Variants in AJM1 observed in about 807,000 individuals in gnomAD.
The protein encoded by AJM1 is apical junction component 1 homolog, also known as uncharacterized protein C9orf172.
Under a neutral mutation model 43.0 loss-of-function variants are expected in AJM1, and 22 were observed. That is an observed-to-expected ratio of 0.51 (90% confidence interval 0.37 to 0.73). AJM1 has a LOEUF of 0.73. AJM1 is among the 30% of genes least tolerant of loss of function. The pLI is 0.00. For synonymous variants in AJM1, 719 were observed against 638.3 expected (o/e 1.13, Z -1.91); for missense variants, 1,305 against 1,343.3 (o/e 0.97, Z 0.45).
Position 136,844,760 on chromosome 9 carries a change from C to G in AJM1, c.346C>G (p.Arg116Gly), listed in dbSNP as rs1848743707. ...APASPPVLPR[R>G]GREAQRAARA... ...CGCCTCGCCGCCGGTGTTGCCCCGC[C>G]GAGGGCGGGAGGCCCAGCGTGCGGC... The change falls in exon 3 of 3, where the codon CGA becomes GGA. Residue 116 changes from arginine (R) to glycine (G), a missense_variant. Physicochemically the swap from Arg to Gly is moderately radical, Grantham distance 125 (BLOSUM62 -2). Around this residue, in one of 6 missense-constraint regions of AJM1, gnomAD observed 653 missense variants for 549.1 expected, o/e 1.19. Transcript: ENST00000436881. The G allele has an allele frequency of 2.3e-6, 1 of 433,036 alleles. No homozygotes were observed. The highest frequency in any genetic ancestry group is 3.1e-6 in the Non-Finnish European group (1 of 320,436). 26.8% of individuals were successfully genotyped at this position (433,036 alleles called of 1,614,324 possible). A position where few individuals can be genotyped will look rare whatever the true frequency, so the allele number is the denominator to read the frequency against.
At chr9:136,843,052 C>G (rs1424091430) in intron 1 of AJM1, among the ~76,000 whole-genome samples, 3 of 150,034 alleles carry the variant, frequency 2.0e-5, no homozygotes, top group Admixed American at 6.6e-5. Context: ...AGGCCTGGGA[C>G]TCGTGGCCCT....
chr9:136,846,665 G>T lies in AJM1; in HGVS notation c.2251G>T (p.Val751Leu). The T allele has an allele frequency of 6.2e-7, 1 of 1,600,882 alleles. No individual in the cohort carries two copies. ...CGGCTTCCTGTCGCGCGGCCGCGGC[G>T]TGCTCTTCCTGGGCTTCCCAAGTCC... ...RVGFLSRGRG[V>L]LFLGFPSPGS... is the part of the protein sequence containing the mutation. The change falls in exon 3 of 3, where the codon GTG becomes TTG. Residue 751 changes from valine (V) to leucine (L), a missense_variant. By Grantham distance (32) the Val-to-Leu change is conservative. This residue lies in a region of AJM1 where 391 missense variants were observed against 507.5 expected (regional missense o/e 0.77). Coordinates refer to ENST00000436881, the MANE Select transcript of AJM1 (RefSeq NM_001080482.5).
rs756354535 is a variant in AJM1, at chr9:136,846,367, G to T, written c.1953G>T (p.Ala651=). 6.9e-7 allele frequency: 1 copy of T among 1,440,496 alleles called. No homozygotes were observed. The allele number at this position is 1,440,496 out of a possible 1,614,324, so 89.2% of individuals were successfully genotyped here. A position where few individuals can be genotyped will look rare whatever the true frequency, so the allele number is the denominator to read the frequency against. Residue 651 remains alanine, a synonymous_variant, in exon 3 of 3, where the codon GCG becomes GCT. Transcript: ENST00000436881. ...EPAAPGEAAD[A]SPEPSADEDD... ...CGGCCCCGGGAGAGGCGGCCGACGC[G>T]TCCCCCGAACCCAGCGCCGACGAGG...
At position 136,845,806 on chromosome 9, in the gene AJM1, C is replaced by T. The variant is rs544474087; in HGVS notation, c.1392C>T (p.Gly464=). The T allele has an allele frequency of 6.4e-6, 10 of 1,568,656 alleles. No homozygotes were observed. In the South Asian group the frequency reaches 1.0e-4, roughly 16 times the overall value. The change falls in exon 3 of 3, where the codon GGC becomes GGT. Residue 464 remains glycine, a synonymous_variant. Transcript: ENST00000436881. ...GGCCGCGCCGAGAAGACCCGTTGGGCCGCGGCCGCAGCTACGAGAACCTGC... is the reference window on the plus strand; with the variant it reads ...GGCCGCGCCGAGAAGACCCGTTGGGTCGCGGCCGCAGCTACGAGAACCTGC... ...APGPRREDPL[G]RGRSYENLLG... is the part of the protein sequence containing the mutation.
In AJM1 at chr9:136,844,588, G is replaced by C. The variant is rs904080549; in HGVS notation, c.174G>C (p.Ala58=). ...RHCRSFDFLE[A]LDGPAMETLP... ...GCCGCAGCTTCGACTTCCTGGAGGCGCTGGACGGGCCGGCCATGGAGACCC... is the reference window on the plus strand; with the variant it reads ...GCCGCAGCTTCGACTTCCTGGAGGCCCTGGACGGGCCGGCCATGGAGACCC... Residue 58 remains alanine (A), a synonymous_variant, in exon 3 of 3, where the codon GCG becomes GCC. Transcript: ENST00000436881. 4 of 1,588,850 alleles carry C rather than the reference G, an allele frequency of 2.5e-6. No individual in the cohort carries two copies. The African/African-American group carries it at 5.4e-5, about 21-fold the overall frequency.
In AJM1 at chr9:136,845,795, G is replaced by C. The variant is rs746713977; in HGVS notation, c.1381G>C (p.Asp461His). 2 of 1,571,272 alleles carry C rather than the reference G, an allele frequency of 1.3e-6. No homozygotes were observed. Among genetic ancestry groups the C allele is most frequent in the South Asian group, 2.3e-5 (2 of 86,916 alleles). Reference protein sequence around the residue: ...NILAPGPRREDPLGRGRSYEN... With the variant: ...NILAPGPRREHPLGRGRSYEN... ...TCTGGCCCCGGGGCCGCGCCGAGAA[G>C]ACCCGTTGGGCCGCGGCCGCAGCTA... The change falls in exon 3 of 3, where the codon GAC (aspartate) becomes CAC (histidine). Residue 461 changes from aspartate (D) to histidine (H), a missense_variant. Transcript: ENST00000436881.
chr9:136,846,589 T>C lies in AJM1; in HGVS notation c.2175T>C (p.Phe725=). Residue 725 remains phenylalanine, a synonymous_variant, in exon 3 of 3, where the codon TTT becomes TTC. Transcript: ENST00000436881. ...VGSVCRHVLQ[F]CRDSGPVHRA... is the part of the protein sequence containing the mutation. Reference sequence around the variant, plus strand: ...GCGTGTGCCGCCACGTACTGCAGTTTTGCCGCGACAGCGGCCCGGTGCACC... The same window carrying C: ...GCGTGTGCCGCCACGTACTGCAGTTCTGCCGCGACAGCGGCCCGGTGCACC... 1 of 1,591,524 alleles carries C rather than the reference T, an allele frequency of 6.3e-7. No homozygotes were observed. The highest frequency in any genetic ancestry group is 8.5e-7 in the Non-Finnish European group (1 of 1,175,232).
chr9:136,847,392 C>T lies in AJM1; in HGVS notation c.*47C>T. On this transcript the variant is annotated 3_prime_UTR_variant, in exon 3 of 3. Transcript: ENST00000436881. Reference sequence around the variant, plus strand: ...AGCCCAGGCGCTGGCCCGAACCCTGCCCTGCCCACTCAGGCCCCGCCCGGC... The same window carrying T: ...AGCCCAGGCGCTGGCCCGAACCCTGTCCTGCCCACTCAGGCCCCGCCCGGC... 2 of 1,380,270 alleles carry T rather than the reference C, an allele frequency of 1.4e-6. No homozygotes were observed. Among genetic ancestry groups the T allele is most frequent in the South Asian group, 1.5e-5 (1 of 65,744 alleles). The allele number at this position is 1,380,270 out of a possible 1,614,324, so 85.5% of individuals were successfully genotyped here.
chr9:136,845,401 A>T lies in AJM1; in HGVS notation c.987A>T (p.Gly329=). The change falls in exon 3 of 3, where the codon GGA becomes GGT. Residue 329 remains glycine, a synonymous_variant. Coordinates refer to ENST00000436881, the MANE Select transcript of AJM1 (RefSeq NM_001080482.5). ...GGCGCATGGGCGGCTACTACGCAGG[A>T]GAGGTGCGCACCTTCCCAATCCAGG... is the stretch of plus-strand genomic sequence containing the variant. ...SPRRMGGYYA[G]EVRTFPIQEP... 6.2e-7 allele frequency: 1 copy of T among 1,612,368 alleles called. No individual in the cohort carries two copies. Among genetic ancestry groups the T allele is most frequent in the Non-Finnish European group, 8.5e-7 (1 of 1,179,792 alleles).
In AJM1 at chr9:136,847,313, G is replaced by C. The variant is rs756023156; in HGVS notation, c.2899G>C (p.Ala967Pro). 1 of 1,536,734 alleles carries C rather than the reference G, an allele frequency of 6.5e-7. No individual in the cohort carries two copies. Among genetic ancestry groups the C allele is most frequent in the African/African-American group, 1.4e-5 (1 of 71,788 alleles). The change falls in exon 3 of 3, where the codon GCC becomes CCC. Residue 967 changes from alanine to proline, a missense_variant. By Grantham distance (27) the Ala-to-Pro change is conservative (BLOSUM62 -1). This residue lies in a region of AJM1 where 116 missense variants were observed against 113.4 expected (regional missense o/e 1.02). Transcript: ENST00000436881. ...CGAGCCGCGCGCGCTCGACTGGGTG[G>C]CCAGCGCCAACCTGCTGGACGACAT... ...ASEPRALDWV[A>P]SANLLDDIM is the part of the protein sequence containing the mutation.
chr9:136,845,501 G>C lies in AJM1; in HGVS notation c.1087G>C (p.Glu363Gln). 6.2e-7 allele frequency: 1 copy of C among 1,602,262 alleles called. No individual in the cohort carries two copies. Among genetic ancestry groups the C allele is most frequent in the Non-Finnish European group, 8.5e-7 (1 of 1,175,424 alleles). Residue 363 changes from glutamate (E) to glutamine (Q), a missense_variant, in exon 3 of 3, where the codon GAG (glutamate) becomes CAG (glutamine). By Grantham distance (29) the Glu-to-Gln change is conservative. Around this residue, in one of 6 missense-constraint regions of AJM1, gnomAD observed 653 missense variants for 549.1 expected, o/e 1.19. Coordinates refer to ENST00000436881, the MANE Select transcript of AJM1 (RefSeq NM_001080482.5). Reference sequence around the variant, plus strand: ...GCCCTACGGGCCCCGCTATGTCCCCGAGGAGCCCCGGGCCCACTCCACCGC... The same window carrying C: ...GCCCTACGGGCCCCGCTATGTCCCCCAGGAGCCCCGGGCCCACTCCACCGC... ...GLPYGPRYVPEEPRAHSTARP... is the reference protein window; with the variant it reads ...GLPYGPRYVPQEPRAHSTARP...
Position 136,846,883 on chromosome 9 carries a change from C to A in AJM1, c.2469C>A (p.Gly823=), listed in dbSNP as rs1386344383. ...LLSVSVAVGP[G]TAPPGTPALP... The stretch of plus-strand genomic sequence containing the variant: ...GCGTGTCCGTGGCCGTGGGACCCGG[C>A]ACCGCGCCACCGGGGACACCGGCCC... The change falls in exon 3 of 3, where the codon GGC becomes GGA. Residue 823 remains glycine, a synonymous_variant. Coordinates refer to ENST00000436881, the MANE Select transcript of AJM1 (RefSeq NM_001080482.5). 2.0e-6 allele frequency: 3 copies of A among 1,534,256 alleles called. No individual in the cohort carries two copies. The highest frequency in any genetic ancestry group is 2.6e-6 in the Non-Finnish European group (3 of 1,149,244).
rs770693489 is a variant in AJM1, at chr9:136,845,712, C to G, written c.1298C>G (p.Thr433Ser). The G allele has an allele frequency of 1.3e-6, 2 of 1,564,904 alleles. No individual in the cohort carries two copies. The highest frequency in any genetic ancestry group is 1.8e-5 in the Admixed American group (1 of 55,398). ...LLASWHGGTG[T>S]SPPRLATDSR... ...GCCTCCTGGCACGGCGGCACCGGCA[C>G]CAGTCCGCCCCGGCTGGCCACCGAC... The change falls in exon 3 of 3, where the codon ACC becomes AGC. Residue 433 changes from threonine (T) to serine (S), a missense_variant. Transcript: ENST00000436881.
rs1848804525 is a variant in AJM1 at position 136,847,945 on chromosome 9, TGCGTCCGTGTGCGCGAGC to T, written c.*607_*624del. Reference sequence around the variant, plus strand: ...TGGAGAACACCCTGGTCGACCTCTGTGCGTCCGTGTGCGCGAGCGCGTCCCGCCGAGGCGGTGGGCAGG... The same window carrying T: ...TGGAGAACACCCTGGTCGACCTCTGTGCGTCCCGCCGAGGCGGTGGGCAGG... On this transcript the variant is annotated 3_prime_UTR_variant, in exon 3 of 3. Coordinates refer to ENST00000436881, the MANE Select transcript of AJM1 (RefSeq NM_001080482.5). 6.6e-6 allele frequency: 1 copy of T among 152,424 alleles called. No homozygotes were observed. The highest frequency in any genetic ancestry group is 2.1e-4 in the South Asian group (1 of 4,844). The allele number at this position is 152,424 out of a possible 1,614,324, so 9.4% of individuals were successfully genotyped here. A position where few individuals can be genotyped will look rare whatever the true frequency, so the allele number is the denominator to read the frequency against.
chr9:136,846,691 A>T lies in AJM1; in HGVS notation c.2277A>T (p.Pro759=), dbSNP rs1250598713. ...RGVLFLGFPS[P]GSADNFLRFG... is the part of the protein sequence containing the mutation. ...TGCTCTTCCTGGGCTTCCCAAGTCC[A>T]GGCTCGGCCGACAACTTCCTGCGCT... The change falls in exon 3 of 3, where the codon CCA becomes CCT. Residue 759 remains proline, a synonymous_variant. Coordinates refer to ENST00000436881, the MANE Select transcript of AJM1 (RefSeq NM_001080482.5). 1.2e-6 allele frequency: 2 copies of T among 1,603,758 alleles called. No individual in the cohort carries two copies. The highest frequency in any genetic ancestry group is 1.7e-6 in the Non-Finnish European group (2 of 1,178,690).
In AJM1 at chr9:136,846,065, T is replaced by G; in HGVS notation, c.1651T>G (p.Trp551Gly). 2.0e-6 allele frequency: 3 copies of G among 1,536,412 alleles called. No individual in the cohort carries two copies. Among genetic ancestry groups the G allele is most frequent in the South Asian group, 1.2e-5 (1 of 83,560 alleles). The change falls in exon 3 of 3, where the codon TGG (tryptophan) becomes GGG (glycine). Residue 551 changes from tryptophan to glycine, a missense_variant. Trp to Gly is a radical substitution (Grantham distance 184, BLOSUM62 -2). This residue lies in a region of AJM1 where 653 missense variants were observed against 549.1 expected (regional missense o/e 1.19). Transcript: ENST00000436881. ...RATERPSARAWELPGGRTRPP... is the reference protein window; with the variant it reads ...RATERPSARAGELPGGRTRPP... ...CACCGAGCGCCCGAGCGCCAGGGCC[T>G]GGGAGTTGCCCGGGGGCCGCACGCG...
chr9:136,843,870 C>T (rs1050278820), intron 1 of AJM1, among the ~76,000 whole-genome samples: 2 of 152,210 alleles, frequency 1.3e-5, no homozygotes, highest in Admixed American at 1.3e-4. Context: ...GCAGTGGGCG[C>T]TGTGACGGGG....
Position 136,846,593 on chromosome 9 carries a change from C to G in AJM1, c.2179C>G (p.Arg727Gly), listed in dbSNP as rs762797807. Reference sequence around the variant, plus strand: ...GTGCCGCCACGTACTGCAGTTTTGCCGCGACAGCGGCCCGGTGCACCGCGC... The same window carrying G: ...GTGCCGCCACGTACTGCAGTTTTGCGGCGACAGCGGCCCGGTGCACCGCGC... The part of the protein sequence containing the change: ...SVCRHVLQFC[R>G]DSGPVHRAFS... The change falls in exon 3 of 3, where the codon CGC becomes GGC. Residue 727 changes from arginine to glycine, a missense_variant. Coordinates refer to ENST00000436881, the MANE Select transcript of AJM1 (RefSeq NM_001080482.5). The G allele has an allele frequency of 1.3e-6, 2 of 1,591,336 alleles. No homozygotes were observed. The highest frequency in any genetic ancestry group is 3.4e-5 in the Admixed American group (2 of 59,636).
Position 136,845,096 on chromosome 9 carries a change from C to A in AJM1, c.682C>A (p.Pro228Thr). 7.3e-7 allele frequency: 1 copy of A among 1,375,334 alleles called. No individual in the cohort carries two copies. The highest frequency in any genetic ancestry group is 1.0e-6 in the Non-Finnish European group (1 of 986,600). The allele number at this position is 1,375,334 out of a possible 1,614,324, so 85.2% of individuals were successfully genotyped here. The change falls in exon 3 of 3, where the codon CCC becomes ACC. Residue 228 changes from proline (P) to threonine (T), a missense_variant. Transcript: ENST00000436881. ...PAPQFHGLTV[P>T]GPRHMALSRT... is the part of the protein sequence containing the mutation. ...CCCGCAGTTCCACGGCCTCACGGTG[C>A]CCGGGCCCCGCCACATGGCGCTGTC...
Sources: allele counts gnomAD v4.1 joint callset (sites outside exome capture counted in the v4.1 genomes callset), GRCh38; gene constraint gnomAD v4.1.1; regional missense constraint gnomAD v4.1.1; transcripts MANE v1.5; gene names NCBI Gene and HGNC (gene_info 2026-07-23, HGNC 2026-07-21).